The following THSD7B variants were observed in gnomAD, a reference collection of about 807,000 sequenced individuals.
THSD7B encodes the protein thrombospondin type-1 domain-containing protein 7B.
THSD7B carries 138 observed loss-of-function variants against 213.6 expected under a neutral mutation model. The ratio of observed to expected loss-of-function variants is 0.65; its 90% CI spans 0.56 to 0.74. The LOEUF is 0.74. Ranked by LOEUF, THSD7B falls within the 30% of genes least tolerant of loss-of-function variation. THSD7B has a pLI of 0.00. For synonymous variants in THSD7B, 742 were observed against 687.0 expected, an observed-to-expected ratio of 1.08 and a Z score of -1.25; for missense variants, 1,931 against 1,991.5, an observed-to-expected ratio of 0.97 and a Z score of 0.58.
At chr2:137,177,716 A>G (rs963761922) in intron 7 of THSD7B, among the ~76,000 whole-genome samples, 1 of 152,226 alleles carries the variant, frequency 6.6e-6, no homozygotes, top group Non-Finnish European at 1.5e-5. Flanking sequence ...ATGTTAGCAT[A>G]TAACAGAGAA....
At chr2:137,168,795 A>G (rs887837352) in intron 6 of THSD7B, among the ~76,000 whole-genome samples, 1 of 152,202 alleles carries the variant, frequency 6.6e-6, no homozygotes, top group Non-Finnish European at 1.5e-5. Flanking sequence ...ATAAATAAGC[A>G]GCATGCAGAT....
chr2:137,224,163 A>G (rs1681444799), intron 7 of THSD7B, among the ~76,000 whole-genome samples: 1 of 152,220 alleles, frequency 6.6e-6, no homozygotes, highest in African/African-American at 2.4e-5. Context: ...CCTAAATCAT[A>G]GAGTCTGTTT....
chr2:137,488,271 A>G (rs905474798), intron 15 of THSD7B, among the ~76,000 whole-genome samples: 1 of 152,152 alleles, frequency 6.6e-6, no homozygotes, highest in African/African-American at 2.4e-5. Context: ...TATTTAATTA[A>G]CTATTAAGGT....
At chr2:137,572,785 T>A (rs1681383145) in intron 17 of THSD7B, among the ~76,000 whole-genome samples, 1 of 152,198 alleles carries the variant, frequency 6.6e-6, no homozygotes, top group African/African-American at 2.4e-5. Context: ...CACAGTTACA[T>A]GAACAAGGAA....
chr2:137,655,716 A>G, intron 22 of THSD7B, 56 bp downstream of exon 22: 3 of 1,545,508 alleles, frequency 1.9e-6, no homozygotes, highest in Non-Finnish European at 2.6e-6. Flanking sequence ...TGTTTATTTT[A>G]CTACTGTTTT....
intron 1 of THSD7B, among the ~76,000 whole-genome samples, chr2:136,794,066 G>A (rs900053050): frequency 6.6e-6 from 1 of 150,722 alleles, no homozygotes; most frequent in Admixed American, 6.6e-5. Flanking sequence ...TCCGTGTGGT[G>A]ATGCCCCTCA....
At chr2:137,272,388 G>C (rs1220447495) in intron 10 of THSD7B, 145 bp from the exon 11 acceptor site, 2 of 688,730 alleles carry the variant, frequency 2.9e-6, no homozygotes, top group African/African-American at 1.8e-5. Flanking sequence ...TTAACTCCTG[G>C]TCTTTGCTTG....
At chr2:137,200,645 T>C (rs751920245) in intron 7 of THSD7B, among the ~76,000 whole-genome samples, 3 of 152,014 alleles carry the variant, frequency 2.0e-5, no homozygotes, top group Non-Finnish European at 4.4e-5. Context: ...TGGTCCATAC[T>C]GTAACCACTA....
At chr2:136,890,435 T>C (rs1206001989) in intron 2 of THSD7B, among the ~76,000 whole-genome samples, 12 of 4,308 alleles carry the variant, frequency 2.8e-3, no homozygotes, top group East Asian at 0.33. Flanking sequence ...TTCTTCTTCT[T>C]CTTCTTCTTC....
At chr2:137,012,330 A>G (rs1199599472) in intron 2 of THSD7B, among the ~76,000 whole-genome samples, 1 of 152,152 alleles carries the variant, frequency 6.6e-6, no homozygotes, top group Non-Finnish European at 1.5e-5. Flanking sequence ...TTCATCAACA[A>G]TACTCCACCT....
At chr2:137,215,177 C>G (rs1042408835) in intron 7 of THSD7B, among the ~76,000 whole-genome samples, 1 of 152,128 alleles carries the variant, frequency 6.6e-6, no homozygotes, top group Non-Finnish European at 1.5e-5. Flanking sequence ...ATTTCTCTAA[C>G]GACCAGTGAT....
intron 1 of THSD7B, among the ~76,000 whole-genome samples, chr2:136,787,717 A>G (rs959667823): frequency 2.6e-5 from 4 of 152,136 alleles, no homozygotes; most frequent in Non-Finnish European, 4.4e-5. Context: ...ATATACTGCT[A>G]TCCCTTGTTC....
At chr2:137,059,511 T>G (rs191413043) in intron 3 of THSD7B, among the ~76,000 whole-genome samples, 27 of 152,276 alleles carry the variant, frequency 1.8e-4, no homozygotes, top group Admixed American at 1.7e-3. Context: ...TAAGTATCCC[T>G]TCTACTCTAT....
intron 1 of THSD7B, among the ~76,000 whole-genome samples, chr2:136,779,475 C>T (rs953098321): frequency 6.6e-5 from 10 of 152,008 alleles, no homozygotes. Flanking sequence ...AGGTCCCACA[C>T]CTTGTATTAC....
chr2:137,260,828 G>T (rs1291324453), intron 10 of THSD7B, among the ~76,000 whole-genome samples: 2 of 152,140 alleles, frequency 1.3e-5, no homozygotes, highest in Non-Finnish European at 2.9e-5. Context: ...TTCCTATATT[G>T]TTGGAAGCTA....
At chr2:137,185,813 CA>C (rs1412462796) in intron 7 of THSD7B, among the ~76,000 whole-genome samples, 1 of 152,156 alleles carries the variant, frequency 6.6e-6, no homozygotes, top group Non-Finnish European at 1.5e-5. Flanking sequence ...GGGAAATCTC[CA>C]AACTGCTTTC....
intron 12 of THSD7B, among the ~76,000 whole-genome samples, chr2:137,327,188 A>G (rs1684391491): frequency 6.6e-6 from 1 of 152,192 alleles, no homozygotes; most frequent in Non-Finnish European, 1.5e-5. Context: ...CTGTTTTAGA[A>G]CTGAGACAGC....
At chr2:137,417,567 G>A (rs371238416) in intron 14 of THSD7B, among the ~76,000 whole-genome samples, 47 of 152,122 alleles carry the variant, frequency 3.1e-4, no homozygotes, top group African/African-American at 9.2e-4. Context: ...AGCCTCCTGA[G>A]TATCTAGGAC....
chr2:136,883,764 G>A lies in THSD7B; in HGVS notation c.139+1447G>A, dbSNP rs114985278. Among the ~76,000 whole-genome samples the A allele has an allele frequency of 4.2e-3, 633 of 152,230 alleles. 4 individuals carry two copies. Among genetic ancestry groups the A allele is most frequent in the African/African-American group, 0.014 (598 of 41,550 alleles). On this transcript the variant is annotated intron_variant, in intron 2 of 27. Coordinates refer to ENST00000409968, the MANE Select transcript of THSD7B (RefSeq NM_001316349.2). The stretch of plus-strand genomic sequence containing the variant: ...AGATGGTAAAAACAAACTCTACAGT[G>A]GATGAATTTTTTTGGTAACTGTCAA...
Sources: gnomAD v4.1 joint callset for allele counts (sites outside exome capture counted in the v4.1 genomes callset) on GRCh38, gnomAD v4.1.1 for gene constraint, MANE v1.5 for transcripts, NCBI Gene and HGNC (gene_info 2026-07-23, HGNC 2026-07-21) for gene names.